The following AK4 variants were observed in gnomAD, a reference collection of about 807,000 sequenced individuals.
AK4 encodes adenylate kinase 4.
A neutral mutation model predicts 24.6 loss-of-function variants in AK4; 13 were observed. The ratio of observed to expected loss-of-function variants is 0.53; its 90% confidence interval spans 0.34 to 0.84. AK4 has a LOEUF of 0.84. Among genes scored for constraint, AK4 ranks in the 40% least tolerant of loss-of-function variants. AK4 has a pLI of 0.01. For synonymous variants in AK4, 88 were observed against 107.0 expected (o/e 0.82, Z 1.10); for missense variants, 192 against 288.2 (o/e 0.67, Z 2.42).
intron 2 of AK4, among the ~76,000 whole-genome samples, chr1:65,208,341 G>T (rs966277436): frequency 3.3e-5 from 5 of 152,186 alleles, no homozygotes; most frequent in African/African-American, 1.2e-4. Context: ...TACGATAGGA[G>T]AGAGAAAAGG....
rs1333738989 is a variant in AK4 at position 65,230,192 on chromosome 1, C to T, written c.*4015C>T. On this transcript the variant is annotated 3_prime_UTR_variant, in exon 5 of 5. Coordinates refer to ENST00000327299, the MANE Select transcript of AK4 (RefSeq NM_013410.4). ...CAAACTCAGATGAGTTCCATTGTTA[C>T]CCTAGGTGTGCCCATCTCTTTGGTA... 6.6e-6 allele frequency: 1 copy of T among 152,086 alleles called. No individual in the cohort carries two copies. Among genetic ancestry groups the T allele is most frequent in the South Asian group, 2.1e-4 (1 of 4,810 alleles). The allele number at this position is 152,086 out of a possible 1,614,324, so 9.4% of individuals were successfully genotyped here. A position where few individuals can be genotyped will look rare whatever the true frequency, so the allele number is the denominator to read the frequency against.
chr1:65,172,103 A>ATATATATATATATATATATATATT lies in AK4; in HGVS notation c.146-18606_146-18605insATATATATATATATATATATATTT, dbSNP rs1553122938. On this transcript the variant is annotated intron_variant, in intron 1 of 4. Coordinates refer to ENST00000327299, the MANE Select transcript of AK4 (RefSeq NM_013410.4). ...TATATATATATATATATATATATAT[A>ATATATATATATATATATATATATT]TTTAAACTCATTACACTTCCCAAAT... Among the ~76,000 whole-genome samples, 15 of 115,508 alleles carry ATATATATATATATATATATATATT rather than the reference A, an allele frequency of 1.3e-4. 1 individual carries two copies. The highest frequency in any genetic ancestry group is 6.1e-4 in the East Asian group (2 of 3,288). The allele number at this position is 115,508 out of a possible 152,430, so 75.8% of individuals were successfully genotyped here.
At chr1:65,165,482 A>T (rs1321544530) in intron 1 of AK4, among the ~76,000 whole-genome samples, 1 of 151,996 alleles carries the variant, frequency 6.6e-6, no homozygotes, top group Non-Finnish European at 1.5e-5. Flanking sequence ...CAGGAGTTCA[A>T]GGCTGTAGTG....
intron 1 of AK4, among the ~76,000 whole-genome samples, chr1:65,173,531 C>G (rs943082579): frequency 6.6e-6 from 1 of 152,162 alleles, no homozygotes; most frequent in African/African-American, 2.4e-5. Flanking sequence ...CTTGGAAAGG[C>G]TGCCCTTTCT....
chr1:65,187,366 A>G (rs1570104492), intron 1 of AK4, among the ~76,000 whole-genome samples: 1 of 151,124 alleles, frequency 6.6e-6, no homozygotes, highest in Non-Finnish European at 1.5e-5. Flanking sequence ...AAAAAAAAAA[A>G]AAGAAGTGTC....
intron 3 of AK4, among the ~76,000 whole-genome samples, chr1:65,220,595 C>G (rs1380284752): frequency 6.6e-6 from 1 of 152,186 alleles, no homozygotes; most frequent in Non-Finnish European, 1.5e-5. Flanking sequence ...TCTGCCTCAG[C>G]CTCCTGAGTA....
intron 2 of AK4, among the ~76,000 whole-genome samples, chr1:65,199,144 T>C (rs1042200777): frequency 6.6e-6 from 1 of 152,072 alleles, no homozygotes; most frequent in African/African-American, 2.4e-5. Context: ...TTATTTTCTT[T>C]GTTGGCATTT....
In AK4 at chr1:65,218,862, G is replaced by A. The variant is rs142956995; in HGVS notation, c.374G>A (p.Arg125His). The change falls in exon 3 of 5, where the codon CGC becomes CAC. Residue 125 changes from arginine (R) to histidine (H), a missense_variant. Arg to His is a conservative substitution (Grantham distance 29). Transcript: ENST00000327299. ...PFETLKDRLS[R>H]RWIHPPSGRV... is the part of the protein sequence containing the mutation. ...GAAACACTTAAAGATCGTCTCAGCCGCCGTTGGATTCACCCTCCTAGCGGA... is the reference window on the plus strand; with the variant it reads ...GAAACACTTAAAGATCGTCTCAGCCACCGTTGGATTCACCCTCCTAGCGGA... 3.7e-5 allele frequency: 59 copies of A among 1,607,128 alleles called. No individual in the cohort carries two copies. In the East Asian group the frequency reaches 6.8e-4, roughly 18 times the overall value.
intron 1 of AK4, among the ~76,000 whole-genome samples, chr1:65,184,525 T>G (rs941384187): frequency 6.6e-6 from 1 of 152,174 alleles, no homozygotes; most frequent in Non-Finnish European, 1.5e-5. Context: ...GTTTTCTGAA[T>G]TATTTGTGTG....
At chr1:65,184,779 T>C (rs1651030527) in intron 1 of AK4, among the ~76,000 whole-genome samples, 1 of 152,190 alleles carries the variant, frequency 6.6e-6, no homozygotes, top group African/African-American at 2.4e-5. Flanking sequence ...TTTGCTGTTG[T>C]CATGAGGTCT....
At chr1:65,219,018 CA>C (rs1652218857) in intron 3 of AK4, 92 bp downstream of exon 3, 1 of 896,192 alleles carries the variant, frequency 1.1e-6, no homozygotes, top group South Asian at 3.6e-5. Flanking sequence ...GTAGACCATT[CA>C]AAAAAGAACA....
chr1:65,224,522 A>T (rs544560513), intron 3 of AK4, among the ~76,000 whole-genome samples: 2 of 152,302 alleles, frequency 1.3e-5, no homozygotes, highest in East Asian at 1.9e-4. Context: ...GTTTGAAAAG[A>T]TCTGAACTGT....
At chr1:65,158,396 T>C (rs1650046063) in intron 1 of AK4, among the ~76,000 whole-genome samples, 1 of 152,236 alleles carries the variant, frequency 6.6e-6, no homozygotes, top group Non-Finnish European at 1.5e-5. Context: ...GTGCATATTG[T>C]GAGAAGGTTT....
At chr1:65,188,798 A>G (rs542653211) in intron 1 of AK4, among the ~76,000 whole-genome samples, 3 of 147,412 alleles carry the variant, frequency 2.0e-5, no homozygotes, top group Admixed American at 6.8e-5. Flanking sequence ...TTTTTTTGAG[A>G]TGGAGTCTCG....
intron 2 of AK4, among the ~76,000 whole-genome samples, chr1:65,218,501 A>G (rs139039714): frequency 6.6e-6 from 1 of 152,206 alleles, no homozygotes; most frequent in South Asian, 2.1e-4. Context: ...ATGGAGGTAG[A>G]TATTCTTGGT....
At chr1:65,211,678 C>G (rs115608107) in intron 2 of AK4, among the ~76,000 whole-genome samples, 3,429 of 152,298 alleles carry the variant, frequency 0.023, 57 homozygotes, top group Middle Eastern at 0.037. Flanking sequence ...TTTACTCATT[C>G]AACAAATATT....
chr1:65,203,372 C>T (rs904534491), intron 2 of AK4, among the ~76,000 whole-genome samples: 3 of 152,016 alleles, frequency 2.0e-5, no homozygotes, highest in Non-Finnish European at 2.9e-5. Context: ...AATAGAAATA[C>T]CTTGATACTT....
chr1:65,223,806 C>A (rs971973552), intron 3 of AK4, among the ~76,000 whole-genome samples: 2 of 151,996 alleles, frequency 1.3e-5, no homozygotes, highest in Non-Finnish European at 2.9e-5. Context: ...ACCAGCCTGA[C>A]CAACGTGGTG....
At chr1:65,172,055 C>G in intron 1 of AK4, among the ~76,000 whole-genome samples, 1 of 64,186 alleles carries the variant, frequency 1.6e-5, no homozygotes. Flanking sequence ...AGAGAGACTC[C>G]ATCTCAAGTA....
Sources: gnomAD v4.1 joint callset for allele counts (sites outside exome capture counted in the v4.1 genomes callset) on GRCh38, gnomAD v4.1.1 for gene constraint, MANE v1.5 for transcripts, NCBI Gene and HGNC (gene_info 2026-07-23, HGNC 2026-07-21) for gene names.